The following IP6K2 variants were observed in gnomAD, a reference collection of about 807,000 sequenced individuals.
IP6K2 encodes the protein inositol hexakisphosphate kinase 2, also known as ATP:1D-myo-inositol-hexakisphosphate phosphotransferase.
A neutral mutation model predicts 43.3 loss-of-function variants in IP6K2; 9 were observed. That is an observed-to-expected ratio of 0.21 (90% CI 0.13 to 0.36). The LOEUF (loss-of-function observed/expected upper bound fraction) is 0.36. Among genes scored for constraint, IP6K2 ranks in the 10% least tolerant of loss-of-function variants. The probability of loss-of-function intolerance (pLI) is 1.00; values close to 1 mark genes in which losing one functional copy is unlikely to be tolerated. For synonymous variants in IP6K2, 209 were observed against 202.4 expected, an observed-to-expected ratio of 1.03 and a Z score of -0.28; for missense variants, 332 against 538.4, an observed-to-expected ratio of 0.62 and a Z score of 3.79.
intron 1 of IP6K2, among the ~76,000 whole-genome samples, chr3:48,712,590 T>C (rs1235400005): frequency 3.3e-5 from 5 of 152,076 alleles, no homozygotes; most frequent in Admixed American, 6.6e-5. Flanking sequence ...GACATGTGCC[T>C]GTAGCCCCAA....
At chr3:48,701,912 T>A (rs1177028840) in intron 1 of IP6K2, among the ~76,000 whole-genome samples, 1 of 151,608 alleles carries the variant, frequency 6.6e-6, no homozygotes, top group Non-Finnish European at 1.5e-5. Context: ...AATAAATAAA[T>A]AAAAATAAAT....
chr3:48,695,285 G>A lies in IP6K2; in HGVS notation c.7C>T (p.Pro3Ser), dbSNP rs1301547341. MS[P>S]AFRAMDVEPR... Reference sequence around the variant, plus strand: ...TCCACATCCATGGCCCTGAAGGCTGGGCTCATCCTCCGGGCGCAGATGGCG... The same window carrying A: ...TCCACATCCATGGCCCTGAAGGCTGAGCTCATCCTCCGGGCGCAGATGGCG... Residue 3 changes from proline (P) to serine (S), a missense_variant, in exon 2 of 6, where the codon CCA becomes TCA. Physicochemically the swap from Pro to Ser is moderately conservative, Grantham distance 74. Coordinates refer to ENST00000328631, the MANE Select transcript of IP6K2 (RefSeq NM_016291.4). This position sits in a 1 kb window ranked among gnomAD's most constrained non-coding sequence, Gnocchi z 4.6. 2.5e-6 allele frequency: 4 copies of A among 1,599,910 alleles called. No homozygotes were observed. The highest frequency in any genetic ancestry group is 3.4e-6 in the Non-Finnish European group (4 of 1,170,240).
intron 2 of IP6K2, chr3:48,693,682 G>C: frequency 1.8e-6 from 2 of 1,081,996 alleles, no homozygotes; most frequent in Non-Finnish European, 2.2e-6. Flanking sequence ...AAAATAAAGG[G>C]GCAAACAAAA....
chr3:48,695,321 G>T lies in IP6K2; in HGVS notation c.-30C>A. On this transcript the variant is annotated 5_prime_UTR_variant, in exon 2 of 6. Coordinates refer to ENST00000328631, the MANE Select transcript of IP6K2 (RefSeq NM_016291.4). This position sits in a 1 kb window ranked among gnomAD's most constrained non-coding sequence, Gnocchi z 4.6. ...CGGGCGCAGATGGCGGGGAGATGGG[G>T]GAGGCAGCGGAGTCCAGCGGCCAGT... 1 of 1,593,362 alleles carries T rather than the reference G, an allele frequency of 6.3e-7. No individual in the cohort carries two copies. The highest frequency in any genetic ancestry group is 8.6e-7 in the Non-Finnish European group (1 of 1,168,194).
In IP6K2 at chr3:48,688,466, G is replaced by A. The variant is rs774268067; in HGVS notation, c.1088C>T (p.Ser363Phe). 2.5e-6 allele frequency: 4 copies of A among 1,614,116 alleles called. No individual in the cohort carries two copies. Among genetic ancestry groups the A allele is most frequent in the South Asian group, 1.1e-5 (1 of 91,084 alleles). The change falls in exon 6 of 6, where the codon TCT (serine) becomes TTT (phenylalanine). Residue 363 changes from serine (S) to phenylalanine (F), a missense_variant. By Grantham distance (155) the Ser-to-Phe change is radical. Transcript: ENST00000328631. This position sits in a 1 kb window ranked among gnomAD's most constrained non-coding sequence, Gnocchi z 5.1. ...EDLSEESADESAGAYAYKPIG... is the reference protein window; with the variant it reads ...EDLSEESADEFAGAYAYKPIG... ...GGGTTTGTAGGCATAGGCACCAGCA[G>A]ACTCATCAGCTGATTCCTCTGACAG...
chr3:48,692,694 C>A (rs1323479891), intron 3 of IP6K2, among the ~76,000 whole-genome samples: 1 of 152,238 alleles, frequency 6.6e-6, no homozygotes, highest in African/African-American at 2.4e-5. Context: ...CTCCAGAACA[C>A]AGCCTAGCAC....
chr3:48,709,012 T>C lies in IP6K2; in HGVS notation c.-131+8145A>G, dbSNP rs188943889. Among the ~76,000 whole-genome samples the C allele has an allele frequency of 2.0e-5, 3 of 152,294 alleles. No homozygotes were observed. In the East Asian group the frequency reaches 5.8e-4, roughly 29 times the overall value. On this transcript the variant is annotated intron_variant, in intron 1 of 5. Coordinates refer to ENST00000328631, the MANE Select transcript of IP6K2 (RefSeq NM_016291.4). ...GAGGCTGCAAAGCTCAAGGTTATAGTGAGCAGAGATTGTACCACCATACTC... is the reference window on the plus strand; with the variant it reads ...GAGGCTGCAAAGCTCAAGGTTATAGCGAGCAGAGATTGTACCACCATACTC...
At chr3:48,712,172 T>C (rs913427030) in intron 1 of IP6K2, among the ~76,000 whole-genome samples, 3 of 151,814 alleles carry the variant, frequency 2.0e-5, no homozygotes, top group Non-Finnish European at 4.4e-5. Context: ...AGCAGGAGGA[T>C]TGCTTAATGC....
In IP6K2 at chr3:48,692,940, C is replaced by CT. The variant is rs2077932078; in HGVS notation, c.428+13dup. 2 of 1,594,080 alleles carry CT rather than the reference C, an allele frequency of 1.3e-6. No individual in the cohort carries two copies. Among genetic ancestry groups the CT allele is most frequent in the South Asian group, 2.2e-5 (2 of 89,818 alleles). Reference sequence around the variant, plus strand: ...CTCCCACATAGCCCAGAGTTGCCCTCTGTCTACACTCACCTCTTCATTTTC... The same window carrying CT: ...CTCCCACATAGCCCAGAGTTGCCCTCTTGTCTACACTCACCTCTTCATTTTC... On this transcript the variant is annotated intron_variant, in intron 3 of 5. Transcript: ENST00000328631.
At chr3:48,693,620 G>T in intron 2 of IP6K2, 1 of 1,146,152 alleles carries the variant, frequency 8.7e-7, no homozygotes, top group South Asian at 2.0e-5. Context: ...ACACAGGTTT[G>T]CCTGAGGGTT....
chr3:48,697,728 G>A (rs1462495440), intron 1 of IP6K2, among the ~76,000 whole-genome samples: 1 of 151,898 alleles, frequency 6.6e-6, no homozygotes, highest in African/African-American at 2.4e-5. Context: ...GCCCAGGCTG[G>A]AGTGCAATGA....
rs1293268818 is a variant in IP6K2, at chr3:48,688,114, C to G, written c.*159G>C. 1.4e-6 allele frequency: 1 copy of G among 709,516 alleles called. No homozygotes were observed. Among genetic ancestry groups the G allele is most frequent in the African/African-American group, 1.8e-5 (1 of 56,448 alleles). The allele number at this position is 709,516 out of a possible 1,614,324, so 44.0% of individuals were successfully genotyped here. On this transcript the variant is annotated 3_prime_UTR_variant, in exon 6 of 6. Coordinates refer to ENST00000328631, the MANE Select transcript of IP6K2 (RefSeq NM_016291.4). This position sits in a 1 kb window ranked among gnomAD's most constrained non-coding sequence, Gnocchi z 5.1. ...AGTTAAAATAAATAAAGACTCCAAG[C>G]ACAGCTGGGACTGGCTCAGGCTGGG...
At chr3:48,697,343 T>C (rs1017493397) in intron 1 of IP6K2, among the ~76,000 whole-genome samples, 1 of 148,322 alleles carries the variant, frequency 6.7e-6, no homozygotes, top group East Asian at 2.0e-4. Flanking sequence ...TTTGTTTTGT[T>C]TTTTTTTTTA....
intron 3 of IP6K2, among the ~76,000 whole-genome samples, chr3:48,691,853 T>C (rs954026321): frequency 6.6e-6 from 1 of 151,898 alleles, no homozygotes; most frequent in African/African-American, 2.4e-5. Flanking sequence ...AGAAACTTTC[T>C]TTTTTTTCTT....
In IP6K2 at chr3:48,695,577, C is replaced by T. The variant is rs1186978199; in HGVS notation, c.-130-156G>A. 5.7e-6 allele frequency: 6 copies of T among 1,046,628 alleles called. No homozygotes were observed. Among genetic ancestry groups the T allele is most frequent in the Non-Finnish European group, 7.4e-6 (6 of 816,316 alleles). 64.8% of individuals were successfully genotyped at this position (1,046,628 alleles called of 1,614,324 possible). On this transcript the variant is annotated intron_variant, in intron 1 of 5. Coordinates refer to ENST00000328631, the MANE Select transcript of IP6K2 (RefSeq NM_016291.4). The surrounding 1 kb of genome is among the most constrained non-coding windows in gnomAD (Gnocchi z 4.6). ...CACCCACCTTGGCCCCCGCCTTCTC[C>T]GGCAGAAAAACAAAAACACTATGAG...
Position 48,691,326 on chromosome 3 carries a change from T to C in IP6K2, c.585A>G (p.Ala195=), listed in dbSNP as rs149872408. 56 of 1,613,884 alleles carry C rather than the reference T, an allele frequency of 3.5e-5. No individual in the cohort carries two copies. In the African/African-American group the frequency reaches 6.5e-4, roughly 19 times the overall value. Residue 195 remains alanine, a synonymous_variant, in exon 4 of 6, where the codon GCA becomes GCG. Transcript: ENST00000328631. ...GGATACTGTACTGGTTCCGATGCTT[T>C]GCATTCTCCTTCATTCTCTGTAACT... is the stretch of plus-strand genomic sequence containing the variant. The part of the protein sequence containing the change: ...QQQLQRMKEN[A]KHRNQYKFIL...
rs950221667 is a variant in IP6K2 at position 48,688,438 on chromosome 3, G to T, written c.1116C>A (p.Ile372=). 2 of 1,614,068 alleles carry T rather than the reference G, an allele frequency of 1.2e-6. No individual in the cohort carries two copies. The highest frequency in any genetic ancestry group is 1.7e-6 in the Non-Finnish European group (2 of 1,180,026). The change falls in exon 6 of 6, where the codon ATC becomes ATA. Residue 372 remains isoleucine, a synonymous_variant. Coordinates refer to ENST00000328631, the MANE Select transcript of IP6K2 (RefSeq NM_016291.4). The surrounding 1 kb of genome is among the most constrained non-coding windows in gnomAD (Gnocchi z 5.1). The part of the protein sequence containing the change: ...ESAGAYAYKP[I]GASSVDVRMI... The stretch of plus-strand genomic sequence containing the variant: ...TGCGCACATCTACAGAGCTGGCGCC[G>T]ATGGGTTTGTAGGCATAGGCACCAG...
Position 48,693,572 on chromosome 3 carries a change from C to T in IP6K2, c.203-393G>A. The T allele has an allele frequency of 2.5e-6, 3 of 1,187,996 alleles. No individual in the cohort carries two copies. In the African/African-American group the frequency reaches 4.8e-5, roughly 19 times the overall value. 73.6% of individuals were successfully genotyped at this position (1,187,996 alleles called of 1,614,324 possible). ...CCCTAAACAGAAACTCCAACAGCCTCATGGCTTGCTTTAAAGCAGAGCCTG... is the reference window on the plus strand; with the variant it reads ...CCCTAAACAGAAACTCCAACAGCCTTATGGCTTGCTTTAAAGCAGAGCCTG... On this transcript the variant is annotated intron_variant, in intron 2 of 5. Transcript: ENST00000328631.
intron 1 of IP6K2, among the ~76,000 whole-genome samples, chr3:48,713,194 C>T (rs981133592): frequency 3.3e-5 from 5 of 152,200 alleles, no homozygotes; most frequent in African/African-American, 9.6e-5. Context: ...GAGATTTTTG[C>T]AATCCCCATG....
Sources: allele counts gnomAD v4.1 joint callset (sites outside exome capture counted in the v4.1 genomes callset), GRCh38; gene constraint gnomAD v4.1.1; non-coding constraint Gnocchi (gnomAD v3.1); transcripts MANE v1.5; gene names NCBI Gene and HGNC (gene_info 2026-07-23, HGNC 2026-07-21).